LIN52: variants seen among roughly 807,000 people sequenced by gnomAD.
The protein encoded by LIN52 is lin-52 DREAM MuvB core complex component.
LIN52 carries 4 observed loss-of-function variants against 18.5 expected under a neutral mutation model. The observed-to-expected ratio is 0.22, with a 90% CI of 0.11 to 0.49. LIN52 has a LOEUF of 0.49. Among genes scored for constraint, LIN52 ranks in the 20% least tolerant of loss-of-function variants. The probability of loss-of-function intolerance (pLI) is 0.97; values close to 1 mark genes in which losing one functional copy is unlikely to be tolerated. For missense variants in LIN52, 102 were observed against 139.5 expected, an observed-to-expected ratio of 0.73 and a Z score of 1.35; for synonymous variants, 34 against 45.5, an observed-to-expected ratio of 0.75 and a Z score of 1.02.
chr14:74,120,791 G>A (rs965454272), intron 5 of LIN52, among the ~76,000 whole-genome samples: 140 of 151,480 alleles, frequency 9.2e-4, no homozygotes, highest in African/African-American at 3.2e-3. Context: ...GCTTGGTGGC[G>A]TGCGCCTGTA....
chr14:74,162,475 CA>C (rs35116380), intron 5 of LIN52, among the ~76,000 whole-genome samples: 13,892 of 94,970 alleles, frequency 0.15, 681 homozygotes, highest in Admixed American at 0.23. Context: ...CTCCATCTCA[CA>C]AAAAAAAAAA....
At chr14:74,182,576 G>A (rs902308925) in intron 5 of LIN52, among the ~76,000 whole-genome samples, 2 of 152,076 alleles carry the variant, frequency 1.3e-5, no homozygotes, top group Non-Finnish European at 2.9e-5. Context: ...AATTGGATTA[G>A]CGAGGTCATC....
intron 5 of LIN52, among the ~76,000 whole-genome samples, chr14:74,185,738 G>A (rs905608432): frequency 2.0e-5 from 3 of 152,080 alleles, no homozygotes; most frequent in Non-Finnish European, 4.4e-5. Flanking sequence ...CCTGGATGCA[G>A]CTTAAGGTTT....
intron 3 of LIN52, among the ~76,000 whole-genome samples, chr14:74,097,239 T>G (rs537821551): frequency 1.3e-5 from 2 of 152,118 alleles, no homozygotes; most frequent in Non-Finnish European, 2.9e-5. Context: ...AAATCAGTAA[T>G]AGTGGTCATA....
At chr14:74,163,517 A>G (rs898683143) in intron 5 of LIN52, among the ~76,000 whole-genome samples, 1 of 152,196 alleles carries the variant, frequency 6.6e-6, no homozygotes, top group Admixed American at 6.5e-5. Context: ...AGTTATAATC[A>G]TGGAAAAAGC....
intron 5 of LIN52, among the ~76,000 whole-genome samples, chr14:74,157,653 G>A (rs2061205447): frequency 6.6e-6 from 1 of 151,528 alleles, no homozygotes; most frequent in African/African-American, 2.4e-5. Flanking sequence ...TTTTTCTGTG[G>A]AGATGGGATT....
chr14:74,124,810 C>CAA (rs5809648), intron 5 of LIN52, among the ~76,000 whole-genome samples: 946 of 58,406 alleles, frequency 0.016, 54 homozygotes, highest in African/African-American at 0.045. Context: ...GACCCTGTCT[C>CAA]AAAAAAAAAA....
At chr14:74,097,763 G>A in intron 3 of LIN52, 31 bp from the exon 4 acceptor site, 1 of 1,501,076 alleles carries the variant, frequency 6.7e-7, no homozygotes, top group Non-Finnish European at 9.3e-7. Flanking sequence ...CACTTTTTAT[G>A]TGTCTGAATG....
chr14:74,167,279 G>A (rs568160608), intron 5 of LIN52, among the ~76,000 whole-genome samples: 108 of 152,232 alleles, frequency 7.1e-4, no homozygotes, highest in Non-Finnish European at 1.4e-3. Context: ...TTTGGCTATA[G>A]AATCACATGT....
chr14:74,153,721 T>G (rs2061186724), intron 5 of LIN52, among the ~76,000 whole-genome samples: 1 of 152,138 alleles, frequency 6.6e-6, no homozygotes. Flanking sequence ...TTTTTGTATT[T>G]TTAGTAGAGA....
chr14:74,087,913 T>C (rs940401678), intron 1 of LIN52, among the ~76,000 whole-genome samples: 1 of 151,724 alleles, frequency 6.6e-6, no homozygotes, highest in African/African-American at 2.4e-5. Flanking sequence ...CCCCAATAAT[T>C]TTTTTTTAAC....
chr14:74,190,597 G>T (rs533527980), intron 5 of LIN52, among the ~76,000 whole-genome samples: 1 of 151,816 alleles, frequency 6.6e-6, no homozygotes, highest in Admixed American at 6.6e-5. Flanking sequence ...CCACCATGCT[G>T]CCCAGGCTGG....
intron 5 of LIN52, 66 bp downstream of exon 5, chr14:74,101,304 C>T: frequency 9.3e-7 from 1 of 1,078,332 alleles, no homozygotes; most frequent in Non-Finnish European, 1.3e-6. Context: ...CCACCCTGAG[C>T]TCAGGTATTC....
rs938145245 is a variant in LIN52 at position 74,200,293 on chromosome 14, G to A, written c.*1316G>A. 6.8e-6 allele frequency: 1 copy of A among 146,098 alleles called. No individual in the cohort carries two copies. The highest frequency in any genetic ancestry group is 2.5e-5 in the African/African-American group (1 of 40,226). The allele number at this position is 146,098 out of a possible 1,614,324, so 9.1% of individuals were successfully genotyped here. On this transcript the variant is annotated 3_prime_UTR_variant, in exon 6 of 6. Transcript: ENST00000555028. ...CTGGGCATGATGGTGCATGCCTATA[G>A]TCCCAGCTACTTGGGGGCCTGAGGC... is the stretch of plus-strand genomic sequence containing the variant.
At chr14:74,112,749 C>G (rs898306774) in intron 5 of LIN52, among the ~76,000 whole-genome samples, 3 of 152,100 alleles carry the variant, frequency 2.0e-5, no homozygotes, top group African/African-American at 7.2e-5. Context: ...TGGGTGACTA[C>G]TTCATACAAG....
intron 5 of LIN52, among the ~76,000 whole-genome samples, chr14:74,153,164 G>T (rs35568004): frequency 0.016 from 2,374 of 152,262 alleles, 24 homozygotes; most frequent in Non-Finnish European, 0.025. Flanking sequence ...ATCATTACCA[G>T]AGCACATGCA....
chr14:74,137,500 T>TTTTTTTTTTTTTC, intron 5 of LIN52, among the ~76,000 whole-genome samples: 1 of 68,072 alleles, frequency 1.5e-5, no homozygotes, highest in East Asian at 5.1e-4. Context: ...GCAGCTCTCT[T>TTTTTTTTTTTTTC]TTTTTTTTTT....
intron 5 of LIN52, among the ~76,000 whole-genome samples, chr14:74,143,268 GC>G (rs1333588427): frequency 1.3e-5 from 2 of 152,138 alleles, no homozygotes; most frequent in African/African-American, 4.8e-5. Context: ...AACAGAATGA[GC>G]CTGGGCATAG....
chr14:74,097,484 C>T (rs1318251814), intron 3 of LIN52, among the ~76,000 whole-genome samples: 1 of 144,564 alleles, frequency 6.9e-6, no homozygotes, highest in Non-Finnish European at 1.5e-5. Context: ...AGTACAGTGG[C>T]ACAATCTTGG....
Sources: allele counts gnomAD v4.1 joint callset (sites outside exome capture counted in the v4.1 genomes callset), GRCh38; gene constraint gnomAD v4.1.1; transcripts MANE v1.5; gene names NCBI Gene and HGNC (gene_info 2026-07-23, HGNC 2026-07-21).